Variants in EVI5L observed in about 807,000 individuals in gnomAD.
EVI5L encodes ecotropic viral integration site 5 like.
Under a neutral mutation model 106.1 loss-of-function variants are expected in EVI5L, and 30 were observed. The ratio of observed to expected loss-of-function variants is 0.28; its 90% CI spans 0.21 to 0.38. The LOEUF (loss-of-function observed/expected upper bound fraction) is 0.38. Ranked by LOEUF, EVI5L falls within the 10% of genes least tolerant of loss-of-function variation. The pLI is 1.00. For synonymous variants in EVI5L, 489 were observed against 483.3 expected, an observed-to-expected ratio of 1.01 and a Z score of -0.15; for missense variants, 809 against 1,098.0, an observed-to-expected ratio of 0.74 and a Z score of 3.72.
chr19:7,852,434 C>T (rs1018839005), intron 8 of EVI5L, among the ~76,000 whole-genome samples: 6 of 152,178 alleles, frequency 3.9e-5, no homozygotes, highest in African/African-American at 1.2e-4. Context: ...TGCACAGGCC[C>T]GAGGCCCCCG....
Position 7,857,045 on chromosome 19 carries a change from C to T in EVI5L, c.1201-47C>T, listed in dbSNP as rs1164944935. On this transcript the variant is annotated intron_variant, in intron 11 of 19. Coordinates refer to ENST00000538904, the MANE Select transcript of EVI5L (RefSeq NM_001159944.3). The surrounding 1 kb of genome is among the most constrained non-coding windows in gnomAD (Gnocchi z 4.5). The stretch of plus-strand genomic sequence containing the variant: ...TCCCCTCTCCTGTCCCCGCGCCTTC[C>T]GCTCTGCCTCCTCCCCCTGTCGCTG... 4.6e-5 allele frequency: 71 copies of T among 1,550,988 alleles called. No homozygotes were observed. Among genetic ancestry groups the T allele is most frequent in the Non-Finnish European group, 5.8e-5 (67 of 1,146,372 alleles).
Position 7,863,687 on chromosome 19 carries a change from G to C in EVI5L, c.2403G>C (p.Gln801His). The C allele has an allele frequency of 2.0e-6, 3 of 1,510,014 alleles. No homozygotes were observed. In the South Asian group the frequency reaches 3.7e-5, roughly 19 times the overall value. 93.5% of individuals were successfully genotyped at this position (1,510,014 alleles called of 1,614,324 possible). ...ATGAGCTGGCCGCGCCCTACAGCCAGGGTCTGGACAACTGAGGCCATGCCC... is the reference window on the plus strand; with the variant it reads ...ATGAGCTGGCCGCGCCCTACAGCCACGGTCTGGACAACTGAGGCCATGCCC... ...DADELAAPYS[Q>H]GLDN The change falls in exon 20 of 20, where the codon CAG (glutamine) becomes CAC (histidine). Residue 801 changes from glutamine to histidine, a missense_variant. Transcript: ENST00000538904. The surrounding 1 kb of genome is among the most constrained non-coding windows in gnomAD (Gnocchi z 7.7).
chr19:7,842,764 GTA>G (rs1486239967), intron 1 of EVI5L, among the ~76,000 whole-genome samples: 80 of 69,314 alleles, frequency 1.2e-3, no homozygotes, highest in Admixed American at 3.3e-3. Context: ...GGGTGTGTGT[GTA>G]TATGAGTGTG....
intron 1 of EVI5L, among the ~76,000 whole-genome samples, chr19:7,843,607 G>T (rs1470416456): frequency 6.7e-6 from 1 of 148,322 alleles, no homozygotes; most frequent in Non-Finnish European, 1.5e-5. Context: ...AAGTGTGTGT[G>T]TATAGGTGTG....
chr19:7,863,848 G>A lies in EVI5L; in HGVS notation c.*146G>A. 2 of 1,185,088 alleles carry A rather than the reference G, an allele frequency of 1.7e-6. No individual in the cohort carries two copies. Among genetic ancestry groups the A allele is most frequent in the South Asian group, 1.7e-5 (1 of 58,768 alleles). 73.4% of individuals were successfully genotyped at this position (1,185,088 alleles called of 1,614,324 possible). ...CCCTAAAGCGAGGCCCGGCGAGGCA[G>A]CGCAGAGGGTAGGGTCCGACCTGGG... On this transcript the variant is annotated 3_prime_UTR_variant, in exon 20 of 20. Coordinates refer to ENST00000538904, the MANE Select transcript of EVI5L (RefSeq NM_001159944.3). This position sits in a 1 kb window ranked among gnomAD's most constrained non-coding sequence, Gnocchi z 7.7.
chr19:7,862,119 C>G lies in EVI5L; in HGVS notation c.1645-3C>G. The G allele has an allele frequency of 6.4e-7, 1 of 1,565,254 alleles. No individual in the cohort carries two copies. Among genetic ancestry groups the G allele is most frequent in the South Asian group, 1.2e-5 (1 of 85,592 alleles). On this transcript the variant is annotated splice_polypyrimidine_tract_variant and splice_region_variant and intron_variant, in intron 15 of 19. Coordinates refer to ENST00000538904, the MANE Select transcript of EVI5L (RefSeq NM_001159944.3). ...CCGCCGGCTTCTCGGCTTCACCCCC[C>G]AGGCCCATCTGGCCCGCGGCGGCCG... is the stretch of plus-strand genomic sequence containing the variant.
intron 1 of EVI5L, among the ~76,000 whole-genome samples, chr19:7,833,046 G>C (rs576557437): frequency 2.0e-5 from 3 of 152,130 alleles, no homozygotes; most frequent in African/African-American, 4.8e-5. Flanking sequence ...GGGTATGAAG[G>C]CTTCCCAGGA....
At chr19:7,854,493 G>A (rs1318657319) in intron 10 of EVI5L, among the ~76,000 whole-genome samples, 8 of 152,046 alleles carry the variant, frequency 5.3e-5, no homozygotes, top group Admixed American at 1.3e-4. Context: ...CAGCTCCAGC[G>A]GCACAGTGGC....
chr19:7,844,668 T>G (rs1978873066), intron 1 of EVI5L, among the ~76,000 whole-genome samples: 1 of 152,172 alleles, frequency 6.6e-6, no homozygotes, highest in East Asian at 1.9e-4. Flanking sequence ...AACTCCTGAT[T>G]AGGTGGTGCC....
chr19:7,863,291 G>T lies in EVI5L; in HGVS notation c.2139+11G>T, dbSNP rs1162078554. On this transcript the variant is annotated intron_variant, in intron 19 of 19. Transcript: ENST00000538904. The surrounding 1 kb of genome is among the most constrained non-coding windows in gnomAD (Gnocchi z 7.7). ...GAGCTGAAGGCCGAGGTGAGCCGGC[G>T]CGGGGATGCCGGGGACAGGCCTGGG... 1.3e-6 allele frequency: 2 copies of T among 1,552,638 alleles called. No individual in the cohort carries two copies. Among genetic ancestry groups the T allele is most frequent in the Non-Finnish European group, 1.7e-6 (2 of 1,148,158 alleles).
Position 7,844,848 on chromosome 19 carries a change from C to G in EVI5L, c.-47-1648C>G, listed in dbSNP as rs148017132. Among the ~76,000 whole-genome samples, 508 of 152,296 alleles carry G rather than the reference C, an allele frequency of 3.3e-3. 4 individuals carry two copies. Among genetic ancestry groups the G allele is most frequent in the African/African-American group, 0.012 (494 of 41,566 alleles). ...CACAGAGGCCTGGAGAAAGAGGGTT[C>G]TGGGTCCCCATACAGTGAAAAAAGA... On this transcript the variant is annotated intron_variant, in intron 1 of 19. Transcript: ENST00000538904.
rs568261793 is a variant in EVI5L, at chr19:7,855,566, C to A, written c.1147-449C>A. Among the ~76,000 whole-genome samples, 4 of 152,310 alleles carry A rather than the reference C, an allele frequency of 2.6e-5. 1 individual carries two copies. The South Asian group carries it at 8.3e-4, about 32-fold the overall frequency. Reference sequence around the variant, plus strand: ...GGATGCATGATCAGCACGCTGGACCCAGACTCAAAGAGGAGCCTGCCCCCG... The same window carrying A: ...GGATGCATGATCAGCACGCTGGACCAAGACTCAAAGAGGAGCCTGCCCCCG... On this transcript the variant is annotated intron_variant, in intron 10 of 19. Coordinates refer to ENST00000538904, the MANE Select transcript of EVI5L (RefSeq NM_001159944.3).
At chr19:7,836,888 C>A (rs111398236) in intron 1 of EVI5L, among the ~76,000 whole-genome samples, 15 of 150,594 alleles carry the variant, frequency 1.0e-4, no homozygotes, top group African/African-American at 3.7e-4. Flanking sequence ...CCCCCTCAGC[C>A]TCCCACAGTG....
chr19:7,847,962 G>A, intron 3 of EVI5L, 41 bp downstream of exon 3: 1 of 1,508,902 alleles, frequency 6.6e-7, no homozygotes, highest in Non-Finnish European at 8.9e-7. Context: ...CCGACGGCGT[G>A]GGCAGGTGGT....
chr19:7,855,553 A>G (rs907294522), intron 10 of EVI5L, among the ~76,000 whole-genome samples: 3 of 152,198 alleles, frequency 2.0e-5, no homozygotes, highest in Non-Finnish European at 4.4e-5. Context: ...ATGCATGATC[A>G]GCACGCTGGA....
In EVI5L at chr19:7,849,135, A is replaced by G. The variant is rs1979109059; in HGVS notation, c.542A>G (p.Asn181Ser). 3 of 1,610,598 alleles carry G rather than the reference A, an allele frequency of 1.9e-6. No individual in the cohort carries two copies. Among genetic ancestry groups the G allele is most frequent in the Non-Finnish European group, 8.5e-7 (1 of 1,178,434 alleles). Residue 181 changes from asparagine to serine, a missense_variant, in exon 4 of 20, where the codon AAC becomes AGC. By Grantham distance (46) the Asn-to-Ser change is conservative. Around this residue, in one of 2 missense-constraint regions of EVI5L, gnomAD observed 357 missense variants for 588.1 expected, o/e 0.61. Coordinates refer to ENST00000538904, the MANE Select transcript of EVI5L (RefSeq NM_001159944.3). ...AGCCTGGGCCAGGAGGTCCTCTTCA[A>G]CGTCATGAAGGTGAGGCCCAGGGCT... ...QDSLGQEVLFNVMKAYSLVDR... is the reference protein window; with the variant it reads ...QDSLGQEVLFSVMKAYSLVDR...
In EVI5L at chr19:7,858,300, A is replaced by T; in HGVS notation, c.1343A>T (p.Gln448Leu). 1 of 1,549,574 alleles carries T rather than the reference A, an allele frequency of 6.5e-7. No homozygotes were observed. The highest frequency in any genetic ancestry group is 8.7e-7 in the Non-Finnish European group (1 of 1,147,288). The change falls in exon 13 of 20, where the codon CAG (glutamine) becomes CTG (leucine). Residue 448 changes from glutamine to leucine, a missense_variant. By Grantham distance (113) the Gln-to-Leu change is moderately radical (BLOSUM62 -2). This residue lies in a region of EVI5L where 452 missense variants were observed against 509.9 expected (regional missense o/e 0.89). Transcript: ENST00000538904. This position sits in a 1 kb window ranked among gnomAD's most constrained non-coding sequence, Gnocchi z 5.7. ...GCGGCCGAGGACCTGCAGAAGGCAC[A>T]GAGCACCATCCGGCAGCTACAGGAG... ...SSAAEDLQKA[Q>L]STIRQLQEQQ...
chr19:7,847,918 C>A lies in EVI5L; in HGVS notation c.324C>A (p.Leu108=). The A allele has an allele frequency of 1.3e-6, 2 of 1,546,452 alleles. No homozygotes were observed. The highest frequency in any genetic ancestry group is 2.4e-5 in the South Asian group (2 of 84,576). ...EEWRRRKEKL[L]KELIRKGIPH... is the part of the protein sequence containing the mutation. ...GGCGGCGCAGGAAGGAGAAGCTGCT[C>A]AAGGTGGGGGGCGGCCAGGCAGGCA... Residue 108 remains leucine, a synonymous_variant, in exon 3 of 20, where the codon CTC becomes CTA. Transcript: ENST00000538904.
intron 1 of EVI5L, among the ~76,000 whole-genome samples, chr19:7,838,824 A>G (rs1978463356): frequency 1.3e-5 from 2 of 152,028 alleles, no homozygotes; most frequent in South Asian, 4.1e-4. Flanking sequence ...AGGGAGGTTG[A>G]CAGAGAAGTT....
Sources: gnomAD v4.1 joint callset for allele counts (sites outside exome capture counted in the v4.1 genomes callset) on GRCh38, gnomAD v4.1.1 for gene constraint, gnomAD v4.1.1 regional missense constraint, Gnocchi (gnomAD v3.1) non-coding constraint, MANE v1.5 for transcripts, NCBI Gene and HGNC (gene_info 2026-07-23, HGNC 2026-07-21) for gene names.